The following KCNJ4 variants were observed in gnomAD, a reference collection of about 807,000 sequenced individuals.
KCNJ4 encodes the protein potassium inwardly rectifying channel subfamily J member 4.
KCNJ4 carries 3 observed loss-of-function variants against 25.6 expected under a neutral mutation model. That is an observed-to-expected ratio of 0.12 (90% CI 0.05 to 0.30). KCNJ4 has a LOEUF of 0.30. Among genes scored for constraint, KCNJ4 ranks in the 10% least tolerant of loss-of-function variants. KCNJ4 has a pLI of 1.00. For missense variants in KCNJ4, 286 were observed against 666.8 expected (o/e 0.43, Z 6.29); for synonymous variants, 257 against 283.9 (o/e 0.91, Z 0.95).
intron 1 of KCNJ4, among the ~76,000 whole-genome samples, chr22:38,429,250 G>T (rs2093042205): frequency 6.6e-6 from 1 of 152,146 alleles, no homozygotes; most frequent in African/African-American, 2.4e-5. Context: ...GGTGAGGGGA[G>T]AATCCAATGT....
chr22:38,437,855 C>T (rs2089303472), intron 1 of KCNJ4, among the ~76,000 whole-genome samples: 2 of 152,122 alleles, frequency 1.3e-5, no homozygotes, highest in African/African-American at 4.8e-5. Flanking sequence ...GTAATCCTAG[C>T]ACTTTGGGAG....
rs1379734461 is a variant in KCNJ4, at chr22:38,428,157, G to A, written c.-25C>T. 6.3e-7 allele frequency: 1 copy of A among 1,592,154 alleles called. No individual in the cohort carries two copies. Among genetic ancestry groups the A allele is most frequent in the Non-Finnish European group, 8.6e-7 (1 of 1,167,830 alleles). ...TGTCCTGAAGCCGGCGTGGTCACCT[G>A]GGAAGACGCAGGGCCTGCGGAGGAG... On this transcript the variant is annotated 5_prime_UTR_variant, in exon 2 of 2. Transcript: ENST00000303592.
intron 1 of KCNJ4, among the ~76,000 whole-genome samples, chr22:38,439,057 G>A (rs955139541): frequency 6.6e-6 from 1 of 152,152 alleles, no homozygotes; most frequent in African/African-American, 2.4e-5. Flanking sequence ...ACCATGCTGG[G>A]CAACATGGTA....
chr22:38,436,117 A>G lies in KCNJ4; in HGVS notation c.-39-7946T>C, dbSNP rs562211795. Among the ~76,000 whole-genome samples, 11 of 152,134 alleles carry G rather than the reference A, an allele frequency of 7.2e-5. 1 individual carries two copies. The highest frequency in any genetic ancestry group is 7.2e-4 in the Admixed American group (11 of 15,264). ...CATGTGACCTTATGCGAGGAACTTA[A>G]CCTCTCTAGTCCCTGCATGCCCCAT... On this transcript the variant is annotated intron_variant, in intron 1 of 1. Transcript: ENST00000303592.
At chr22:38,430,378 C>G (rs910014930) in intron 1 of KCNJ4, among the ~76,000 whole-genome samples, 2 of 152,162 alleles carry the variant, frequency 1.3e-5, no homozygotes, top group Non-Finnish European at 2.9e-5. Flanking sequence ...GTGGCGTGTG[C>G]CTGTAATCCC....
chr22:38,447,174 G>A (rs554603474), intron 1 of KCNJ4, among the ~76,000 whole-genome samples: 24 of 152,220 alleles, frequency 1.6e-4, no homozygotes, highest in African/African-American at 5.5e-4. Context: ...CACTCCTCCT[G>A]TCTTGCTGAG....
chr22:38,435,260 G>A (rs540278839), intron 1 of KCNJ4, among the ~76,000 whole-genome samples: 1 of 152,232 alleles, frequency 6.6e-6, no homozygotes, highest in African/African-American at 2.4e-5. Context: ...CCTGGGCCTA[G>A]ATGGGGAGGC....
At chr22:38,431,949 A>ACG (rs2093051009) in intron 1 of KCNJ4, among the ~76,000 whole-genome samples, 1 of 143,638 alleles carries the variant, frequency 7.0e-6, no homozygotes, top group Admixed American at 6.7e-5. Flanking sequence ...CTGACTAGAG[A>ACG]TGTTTTTTTT....
chr22:38,426,919 G>A lies in KCNJ4; in HGVS notation c.1214C>T (p.Ala405Val), dbSNP rs74702121. Reference sequence around the variant, plus strand: ...GATGCCCGCCTCCTCCTTGGAACCCGCCTCCAGGCCCAGGCCTGCGGCCAC... The same window carrying A: ...GATGCCCGCCTCCTCCTTGGAACCCACCTCCAGGCCCAGGCCTGCGGCCAC... ...AAVAAGLGLEAGSKEEAGIIR... is the reference protein window; with the variant it reads ...AAVAAGLGLEVGSKEEAGIIR... Residue 405 changes from alanine (A) to valine (V), a missense_variant, in exon 2 of 2, where the codon GCG (alanine) becomes GTG (valine). Transcript: ENST00000303592. The A allele has an allele frequency of 5.6e-6, 9 of 1,612,744 alleles. No individual in the cohort carries two copies. Among genetic ancestry groups the A allele is most frequent in the African/African-American group, 1.3e-5 (1 of 75,006 alleles).
In KCNJ4 at chr22:38,426,648, G is replaced by A. The variant is rs1399487262; in HGVS notation, c.*147C>T. 1.4e-5 allele frequency: 14 copies of A among 1,032,180 alleles called. No individual in the cohort carries two copies. The highest frequency in any genetic ancestry group is 2.0e-5 in the Non-Finnish European group (14 of 701,238). 63.9% of individuals were successfully genotyped at this position (1,032,180 alleles called of 1,614,324 possible). A position where few individuals can be genotyped will look rare whatever the true frequency, so the allele number is the denominator to read the frequency against. On this transcript the variant is annotated 3_prime_UTR_variant, in exon 2 of 2. Transcript: ENST00000303592. ...CCTGGGTGCTGGAGTCAGGAGGAAG[G>A]GGTCCCCCAGTCTTTGAAACCCCCA...
At chr22:38,452,675 G>A (rs1406410224) in intron 1 of KCNJ4, among the ~76,000 whole-genome samples, 1 of 152,096 alleles carries the variant, frequency 6.6e-6, no homozygotes, top group East Asian at 1.9e-4. Flanking sequence ...ATGAAAAGTG[G>A]AGATGTGGAG....
intron 1 of KCNJ4, among the ~76,000 whole-genome samples, chr22:38,450,618 A>G (rs2089404930): frequency 6.6e-6 from 1 of 152,128 alleles, no homozygotes; most frequent in Admixed American, 6.5e-5. Context: ...CCGTCAGCCC[A>G]AAGGCCCCTC....
intron 1 of KCNJ4, among the ~76,000 whole-genome samples, chr22:38,432,742 G>A (rs2093054086): frequency 6.6e-6 from 1 of 152,146 alleles, no homozygotes; most frequent in African/African-American, 2.4e-5. Flanking sequence ...GCAGAGGCAG[G>A]CGGATCTCTT....
chr22:38,440,384 A>G (rs1011345967), intron 1 of KCNJ4, among the ~76,000 whole-genome samples: 6 of 151,778 alleles, frequency 4.0e-5, no homozygotes, highest in African/African-American at 1.5e-4. Context: ...TCTATTGAAA[A>G]TGCAAAAATT....
intron 1 of KCNJ4, among the ~76,000 whole-genome samples, chr22:38,444,433 A>G (rs188079127): frequency 7.2e-5 from 11 of 152,350 alleles, no homozygotes; most frequent in Admixed American, 7.2e-4. Flanking sequence ...GTCACTGTAC[A>G]TGAGCACAAT....
chr22:38,444,979 T>C (rs772288195), intron 1 of KCNJ4, among the ~76,000 whole-genome samples: 2 of 152,192 alleles, frequency 1.3e-5, no homozygotes, highest in Non-Finnish European at 2.9e-5. Flanking sequence ...TGAACATTTA[T>C]TGAGCACCTA....
In KCNJ4 at chr22:38,427,395, A is replaced by G; in HGVS notation, c.738T>C (p.Tyr246=). 3 of 1,614,050 alleles carry G rather than the reference A, an allele frequency of 1.9e-6. No individual in the cohort carries two copies. Among genetic ancestry groups the G allele is most frequent in the Admixed American group, 1.7e-5 (1 of 60,018 alleles). ...PLDQRDLNVG[Y]DIGLDRIFLV... is the part of the protein sequence containing the mutation. ...GGAAGATGCGGTCCAGGCCGATGTC[A>G]TAGCCCACGTTGAGGTCCCGCTGGT... The change falls in exon 2 of 2, where the codon TAT becomes TAC. Residue 246 remains tyrosine, a synonymous_variant. Coordinates refer to ENST00000303592, the MANE Select transcript of KCNJ4 (RefSeq NM_152868.3).
At chr22:38,432,964 C>G (rs2093054715) in intron 1 of KCNJ4, among the ~76,000 whole-genome samples, 1 of 150,722 alleles carries the variant, frequency 6.6e-6, no homozygotes, top group Non-Finnish European at 1.5e-5. Context: ...GAGCAAGACT[C>G]CATCTCAAAA....
At chr22:38,429,663 A>G (rs769846758) in intron 1 of KCNJ4, among the ~76,000 whole-genome samples, 2 of 151,940 alleles carry the variant, frequency 1.3e-5, no homozygotes, top group Non-Finnish European at 2.9e-5. Context: ...GAGGCCCCTC[A>G]CCCCACTGGG....
Sources: allele counts gnomAD v4.1 joint callset (sites outside exome capture counted in the v4.1 genomes callset), GRCh38; gene constraint gnomAD v4.1.1; transcripts MANE v1.5; gene names NCBI Gene and HGNC (gene_info 2026-07-23, HGNC 2026-07-21).